The following CRLF1 variants were observed in gnomAD, a reference collection of about 807,000 sequenced individuals.
CRLF1 encodes the protein cytokine receptor-like factor 1.
In CRLF1, 36 loss-of-function variants were observed where a neutral mutation model predicts 48.9. The observed-to-expected ratio is 0.74, with a 90% CI of 0.56 to 0.97. The LOEUF (loss-of-function observed/expected upper bound fraction) is 0.97. CRLF1 is among the 50% of genes least tolerant of loss of function. CRLF1 has a pLI of 0.00. For synonymous variants in CRLF1, 256 were observed against 253.4 expected (o/e 1.01, Z -0.10); for missense variants, 534 against 575.1 (o/e 0.93, Z 0.73).
intron 4 of CRLF1, 138 bp downstream of exon 4, chr19:18,598,294 G>T: frequency 1.1e-6 from 1 of 888,990 alleles, no homozygotes. Context: ...TGACCAGCAG[G>T]GACAACCCGG....
chr19:18,599,550 T>C lies in CRLF1; in HGVS notation c.397+15A>G, dbSNP rs778897249. The C allele has an allele frequency of 6.2e-7, 1 of 1,611,964 alleles. No homozygotes were observed. The highest frequency in any genetic ancestry group is 2.2e-5 in the East Asian group (1 of 44,874). ...CCCAAGAGCTACCCCTGGGGTGTCC[T>C]GGGTGCCAACTTACGGCCAACATAG... On this transcript the variant is annotated intron_variant, in intron 2 of 8. Coordinates refer to ENST00000392386, the MANE Select transcript of CRLF1 (RefSeq NM_004750.5).
rs757302431 is a variant in CRLF1, at chr19:18,593,533, C to T, written c.*33G>A. ...TTTGGGTTCGGCCTCTGCGTCTCCA[C>T]GTGGCAGGGAGGGTGGCCTGAGCCC... On this transcript the variant is annotated 3_prime_UTR_variant, in exon 9 of 9. Transcript: ENST00000392386. The T allele has an allele frequency of 5.0e-6, 8 of 1,609,912 alleles. No individual in the cohort carries two copies. Among genetic ancestry groups the T allele is most frequent in the Non-Finnish European group, 5.1e-6 (6 of 1,178,682 alleles).
At chr19:18,603,613 C>G (rs1238191759) in intron 1 of CRLF1, among the ~76,000 whole-genome samples, 1 of 152,312 alleles carries the variant, frequency 6.6e-6, no homozygotes, top group East Asian at 1.9e-4. Flanking sequence ...GAGATGGCAG[C>G]CAAGGACAGG....
chr19:18,595,342 C>T (rs940741558), intron 6 of CRLF1, among the ~76,000 whole-genome samples: 1 of 152,248 alleles, frequency 6.6e-6, no homozygotes, highest in Non-Finnish European at 1.5e-5. Flanking sequence ...CTCCCGCCCA[C>T]CCCTGAACCT....
intron 6 of CRLF1, 33 bp from the exon 7 acceptor site, chr19:18,594,467 C>T (rs1976103370): frequency 6.1e-6 from 8 of 1,319,262 alleles, no homozygotes; most frequent in South Asian, 2.2e-5. Context: ...TGTCAGAGCG[C>T]GCCCGGCAGG....
intron 8 of CRLF1, 35 bp from the exon 9 acceptor site, chr19:18,593,614 G>T: frequency 6.3e-7 from 1 of 1,590,102 alleles, no homozygotes; most frequent in Non-Finnish European, 8.6e-7. Flanking sequence ...TAAGCAGGGA[G>T]TCCAGGAGAG....
intron 1 of CRLF1, among the ~76,000 whole-genome samples, chr19:18,604,121 C>A (rs994029223): frequency 3.3e-5 from 5 of 152,204 alleles, no homozygotes; most frequent in African/African-American, 1.2e-4. Context: ...CTCCTGCCCC[C>A]ACCACCCGCC....
intron 1 of CRLF1, among the ~76,000 whole-genome samples, chr19:18,602,676 G>C (rs947762976): frequency 6.6e-6 from 1 of 151,992 alleles, no homozygotes; most frequent in Non-Finnish European, 1.5e-5. Flanking sequence ...AACCTCATGA[G>C]GTTGTTTGAG....
Position 18,597,069 on chromosome 19 carries a change from C to T in CRLF1, c.698-20G>A. On this transcript the variant is annotated intron_variant, in intron 4 of 8. Coordinates refer to ENST00000392386, the MANE Select transcript of CRLF1 (RefSeq NM_004750.5). ...TGGTCACTGCGGGGCAGAGGAGGGA[C>T]CCTCTCAGCCTGGGACTGTCTGGGT... is the stretch of plus-strand genomic sequence containing the variant. 6.2e-7 allele frequency: 1 copy of T among 1,608,388 alleles called. No individual in the cohort carries two copies. The highest frequency in any genetic ancestry group is 1.1e-5 in the South Asian group (1 of 90,654).
chr19:18,596,426 G>A (rs530555930), intron 6 of CRLF1, among the ~76,000 whole-genome samples, 196 bp downstream of exon 6: 3 of 152,288 alleles, frequency 2.0e-5, no homozygotes, highest in Admixed American at 1.3e-4. Flanking sequence ...TGTAGTCCCA[G>A]CTACTTGGGA....
At chr19:18,603,507 C>T (rs1432967604) in intron 1 of CRLF1, among the ~76,000 whole-genome samples, 6 of 152,134 alleles carry the variant, frequency 3.9e-5, no homozygotes, top group Non-Finnish European at 2.9e-5. Flanking sequence ...GGGTTCTCAG[C>T]CGGGGAGGGA....
intron 4 of CRLF1, 82 bp from the exon 5 acceptor site, chr19:18,597,131 C>CCACA: frequency 6.8e-7 from 1 of 1,474,412 alleles, no homozygotes; most frequent in Non-Finnish European, 9.2e-7. Context: ...GGGCACTTGG[C>CCACA]CTAGATGGAA....
At position 18,594,126 on chromosome 19, in the gene CRLF1, C is replaced by T; in HGVS notation, c.1213-19G>A. 1 of 1,553,958 alleles carries T rather than the reference C, an allele frequency of 6.4e-7. No homozygotes were observed. The highest frequency in any genetic ancestry group is 8.7e-7 in the Non-Finnish European group (1 of 1,148,826). ...CCTCGTCCTGTGCTTGGAAGGAAGG[C>T]AGAGGTGTCGTGGGGGCTGCAGACC... On this transcript the variant is annotated intron_variant, in intron 7 of 8. Transcript: ENST00000392386.
chr19:18,606,302 C>T lies in CRLF1; in HGVS notation c.115+240G>A, dbSNP rs1976294776. 6.6e-6 allele frequency among the ~76,000 whole-genome samples: 1 copy of T among 151,606 alleles called. No individual in the cohort carries two copies. Among genetic ancestry groups the T allele is most frequent in the Non-Finnish European group, 1.5e-5 (1 of 67,774 alleles). On this transcript the variant is annotated intron_variant, in intron 1 of 8. Coordinates refer to ENST00000392386, the MANE Select transcript of CRLF1 (RefSeq NM_004750.5). The surrounding 1 kb of genome is among the most constrained non-coding windows in gnomAD (Gnocchi z 4.8). ...CCCAGCCCCCGGGGGCCTGGCCTGG[C>T]GCCCTCGGCCCAGCTGCCCAGGTAA...
chr19:18,594,492 A>G, intron 6 of CRLF1, 58 bp from the exon 7 acceptor site: 2 of 1,244,340 alleles, frequency 1.6e-6, no homozygotes, highest in Non-Finnish European at 2.0e-6. Context: ...GCGCGCGGGC[A>G]GGAGAGGGGA....
In CRLF1 at chr19:18,596,942, G is replaced by T; in HGVS notation, c.805C>A (p.Gln269Lys). Reference sequence around the variant, plus strand: ...CGGTAGCGGATCTGGTATTTGGCTTGAAAGAGGAAATCCTTGAGGGCGGGT... The same window carrying T: ...CGGTAGCGGATCTGGTATTTGGCTTTAAAGAGGAAATCCTTGAGGGCGGGT... ...SPPALKDFLF[Q>K]AKYQIRYRVE... Residue 269 changes from glutamine (Q) to lysine (K), a missense_variant, in exon 5 of 9, where the codon CAA becomes AAA. Around this residue, in one of 2 missense-constraint regions of CRLF1, gnomAD observed 528 missense variants for 555.7 expected, o/e 0.95. Coordinates refer to ENST00000392386, the MANE Select transcript of CRLF1 (RefSeq NM_004750.5). 6.2e-7 allele frequency: 1 copy of T among 1,614,130 alleles called. No individual in the cohort carries two copies. The highest frequency in any genetic ancestry group is 8.5e-7 in the Non-Finnish European group (1 of 1,180,034).
intron 1 of CRLF1, among the ~76,000 whole-genome samples, chr19:18,605,095 T>C (rs1773874065): frequency 6.6e-6 from 1 of 152,106 alleles, no homozygotes; most frequent in Non-Finnish European, 1.5e-5. Flanking sequence ...TGTGAGAATC[T>C]TTTATTTAAT....
intron 6 of CRLF1, among the ~76,000 whole-genome samples, chr19:18,594,953 A>G (rs752248543): frequency 5.3e-5 from 8 of 152,066 alleles, no homozygotes; most frequent in Non-Finnish European, 1.0e-4. Flanking sequence ...AAAGAGATCG[A>G]GACAGAGACA....
Position 18,599,672 on chromosome 19 carries a change from G to A in CRLF1, c.290C>T (p.Ala97Val). Residue 97 changes from alanine to valine, a missense_variant, in exon 2 of 9, where the codon GCT (alanine) becomes GTT (valine). By Grantham distance (64) the Ala-to-Val change is moderately conservative. Transcript: ENST00000392386. ...LSRVLNASTLALALANLNGSR... is the reference protein window; with the variant it reads ...LSRVLNASTLVLALANLNGSR... ...CCCATTGAGGTTGGCCAGGGCCAGA[G>A]CCAAGGTGGAGGCGTTGAGTACACG... is the stretch of plus-strand genomic sequence containing the variant. The A allele has an allele frequency of 6.2e-7, 1 of 1,613,324 alleles. No homozygotes were observed. The highest frequency in any genetic ancestry group is 8.5e-7 in the Non-Finnish European group (1 of 1,179,838).
Sources: allele counts gnomAD v4.1 joint callset (sites outside exome capture counted in the v4.1 genomes callset), GRCh38; gene constraint gnomAD v4.1.1; regional missense constraint gnomAD v4.1.1; non-coding constraint Gnocchi (gnomAD v3.1); transcripts MANE v1.5; gene names NCBI Gene and HGNC (gene_info 2026-07-23, HGNC 2026-07-21).